PSTPIP2: variants seen among roughly 807,000 people sequenced by gnomAD.
PSTPIP2 encodes proline-serine-threonine phosphatase-interacting protein 2.
PSTPIP2 carries 33 observed loss-of-function variants against 63.3 expected under a neutral mutation model. The ratio of observed to expected loss-of-function variants is 0.52; its 90% CI spans 0.40 to 0.70. PSTPIP2 has a LOEUF of 0.70. PSTPIP2 is among the 30% of genes least tolerant of loss of function. The pLI, the probability that PSTPIP2 is intolerant of heterozygous loss-of-function variation, is 0.00. For synonymous variants in PSTPIP2, 125 were observed against 132.7 expected (o/e 0.94, Z 0.40); for missense variants, 312 against 400.7 (o/e 0.78, Z 1.89).
chr18:46,045,345 G>A (rs1438654355), intron 1 of PSTPIP2, among the ~76,000 whole-genome samples: 1 of 152,174 alleles, frequency 6.6e-6, no homozygotes, highest in Non-Finnish European at 1.5e-5. Context: ...AAAATGATGA[G>A]TTCACGTTCT....
At chr18:46,058,332 G>T (rs1908847639) in intron 1 of PSTPIP2, among the ~76,000 whole-genome samples, 1 of 151,920 alleles carries the variant, frequency 6.6e-6, no homozygotes, top group Non-Finnish European at 1.5e-5. Context: ...TTTACAATAA[G>T]CATGTGTTAT....
rs8097767 is a variant in PSTPIP2 at position 46,029,459 on chromosome 18, A to C, written c.135-4773T>G. The C allele has an allele frequency of 1.2e-3, 1,537 of 1,235,060 alleles. 14 individuals carry two copies. The African/African-American group carries it at 0.02, about 16-fold the overall frequency. The allele number at this position is 1,235,060 out of a possible 1,614,324, so 76.5% of individuals were successfully genotyped here. On this transcript the variant is annotated intron_variant, in intron 2 of 14. Transcript: ENST00000409746. ...TGTGAACTCAAGGAGGTGCCTTAAC[A>C]GATTTGTTGATTAAGGCAGTTTATA...
At chr18:46,047,439 G>A (rs1408960853) in intron 1 of PSTPIP2, among the ~76,000 whole-genome samples, 2 of 152,094 alleles carry the variant, frequency 1.3e-5, no homozygotes, top group Non-Finnish European at 2.9e-5. Flanking sequence ...CAGGCATGGT[G>A]GCACGCGCCT....
At position 45,998,652 on chromosome 18, in the gene PSTPIP2, C is replaced by T. The variant is rs1599701532; in HGVS notation, c.562+142G>A. ...CTCTCCCTTCCTTCCTCCCTTTTTC[C>T]CTTCAGATATCTCACTAATCCTGCT... On this transcript the variant is annotated intron_variant, in intron 8 of 14. Transcript: ENST00000409746. 2.1e-5 allele frequency: 17 copies of T among 815,018 alleles called. No homozygotes were observed. The East Asian group carries it at 4.7e-4, about 23-fold the overall frequency. 50.5% of individuals were successfully genotyped at this position (815,018 alleles called of 1,614,324 possible).
intron 1 of PSTPIP2, among the ~76,000 whole-genome samples, chr18:46,051,071 A>G (rs1599742326): frequency 6.6e-6 from 1 of 152,046 alleles, no homozygotes; most frequent in Non-Finnish European, 1.5e-5. Context: ...ACTATGTTGG[A>G]CAGGCTGGTC....
chr18:45,999,569 T>C (rs1325867676), intron 6 of PSTPIP2, 35 bp from the exon 7 acceptor site: 1 of 1,609,160 alleles, frequency 6.2e-7, no homozygotes, highest in Admixed American at 1.7e-5. Context: ...CCAAAACAAA[T>C]GAACAGAGTG....
intron 4 of PSTPIP2, among the ~76,000 whole-genome samples, chr18:46,013,883 C>G (rs192200585): frequency 6.6e-5 from 10 of 152,228 alleles, no homozygotes; most frequent in Middle Eastern, 3.4e-3. Flanking sequence ...TTTCTATTTC[C>G]TTTCTAAATT....
intron 2 of PSTPIP2, among the ~76,000 whole-genome samples, chr18:46,028,126 A>G (rs138015273): frequency 2.5e-4 from 38 of 152,290 alleles, no homozygotes; most frequent in African/African-American, 8.4e-4. Context: ...GCGCCATTGC[A>G]CTCCAGCCCG....
chr18:46,040,848 G>C (rs1275548118), intron 1 of PSTPIP2, among the ~76,000 whole-genome samples: 1 of 152,196 alleles, frequency 6.6e-6, no homozygotes, highest in African/African-American at 2.4e-5. Context: ...GAGCTGGCTA[G>C]GCTGAGGTCC....
intron 2 of PSTPIP2, chr18:46,029,605 A>T: frequency 1.3e-6 from 1 of 770,200 alleles, no homozygotes; most frequent in Non-Finnish European, 2.4e-6. Flanking sequence ...AATGAAAGCT[A>T]TAATGAACTT....
intron 1 of PSTPIP2, among the ~76,000 whole-genome samples, chr18:46,066,990 G>A (rs1474377866): frequency 1.3e-5 from 2 of 148,416 alleles, no homozygotes; most frequent in East Asian, 4.0e-4. Context: ...TCTCGCAACT[G>A]CACTCCAGCC....
intron 1 of PSTPIP2, among the ~76,000 whole-genome samples, chr18:46,056,609 C>T (rs979329291): frequency 6.6e-6 from 1 of 152,142 alleles, no homozygotes; most frequent in Non-Finnish European, 1.5e-5. Context: ...CACCTGTGGT[C>T]CCAGCTACTC....
At chr18:46,066,488 T>C (rs772316841) in intron 1 of PSTPIP2, among the ~76,000 whole-genome samples, 3 of 152,186 alleles carry the variant, frequency 2.0e-5, no homozygotes, top group Non-Finnish European at 4.4e-5. Context: ...AGACTTCACA[T>C]AGACATTTGC....
chr18:46,023,818 C>T (rs566966266), intron 3 of PSTPIP2, among the ~76,000 whole-genome samples: 1 of 151,776 alleles, frequency 6.6e-6, no homozygotes, highest in African/African-American at 2.4e-5. Context: ...TTCCTCTTGT[C>T]TTCTCTTGCT....
Position 45,997,797 on chromosome 18 carries a change from C to A in PSTPIP2, c.594G>T (p.Leu198=). The A allele has an allele frequency of 6.5e-7, 1 of 1,547,544 alleles. No homozygotes were observed. Among genetic ancestry groups the A allele is most frequent in the Non-Finnish European group, 8.8e-7 (1 of 1,141,536 alleles). ...DKAYMLHIGT[L]DKVREEWQSE... is the part of the protein sequence containing the mutation. Reference sequence around the variant, plus strand: ...TCTGCCACTCTTCTCGGACCTTATCCAGGGTGCCGATGTGCAGCATGTATG... The same window carrying A: ...TCTGCCACTCTTCTCGGACCTTATCAAGGGTGCCGATGTGCAGCATGTATG... Residue 198 remains leucine, a synonymous_variant, in exon 9 of 15, where the codon CTG becomes CTT. Coordinates refer to ENST00000409746, the MANE Select transcript of PSTPIP2 (RefSeq NM_024430.4).
intron 6 of PSTPIP2, among the ~76,000 whole-genome samples, chr18:46,002,016 G>T (rs1032734047): frequency 2.0e-5 from 3 of 152,138 alleles, no homozygotes; most frequent in Admixed American, 2.0e-4. Context: ...ATGGGGTTAT[G>T]TGTTAACAGT....
intron 2 of PSTPIP2, among the ~76,000 whole-genome samples, chr18:46,037,399 G>A (rs892733429): frequency 3.3e-5 from 5 of 151,996 alleles, no homozygotes; most frequent in Admixed American, 6.6e-5. Flanking sequence ...TGCCTGCCTC[G>A]GCCTCCCAAA....
At chr18:46,051,493 C>A (rs562884303) in intron 1 of PSTPIP2, among the ~76,000 whole-genome samples, 63 of 151,972 alleles carry the variant, frequency 4.1e-4, no homozygotes, top group Non-Finnish European at 7.1e-4. Flanking sequence ...AAAAATTGAA[C>A]ATAAAACTGA....
chr18:46,001,200 C>A (rs1054207023), intron 6 of PSTPIP2, among the ~76,000 whole-genome samples: 4 of 152,192 alleles, frequency 2.6e-5, no homozygotes, highest in Non-Finnish European at 5.9e-5. Context: ...TACTAGTTTA[C>A]ATTCCCACCA....
Sources: allele counts gnomAD v4.1 joint callset (sites outside exome capture counted in the v4.1 genomes callset), GRCh38; gene constraint gnomAD v4.1.1; transcripts MANE v1.5; gene names NCBI Gene and HGNC (gene_info 2026-07-23, HGNC 2026-07-21).